Variants in SHISA9 observed in about 807,000 individuals in gnomAD.
The protein encoded by SHISA9 is protein shisa-9.
Under a neutral mutation model 38.0 loss-of-function variants are expected in SHISA9, and 13 were observed. The ratio of observed to expected loss-of-function variants is 0.34; its 90% CI spans 0.22 to 0.54. The LOEUF is 0.54. Among genes scored for constraint, SHISA9 ranks in the 20% least tolerant of loss-of-function variants. The pLI is 0.91. For synonymous variants in SHISA9, 275 were observed against 242.0 expected, an observed-to-expected ratio of 1.14 and a Z score of -1.27; for missense variants, 538 against 575.8, an observed-to-expected ratio of 0.93 and a Z score of 0.67.
rs577869021 is a variant in SHISA9 at position 13,119,149 on chromosome 16, G to C, written c.692-84245G>C. Among the ~76,000 whole-genome samples the C allele has an allele frequency of 4.6e-5, 7 of 152,302 alleles. No homozygotes were observed. The East Asian group carries it at 1.2e-3, about 25-fold the overall frequency. On this transcript the variant is annotated intron_variant, in intron 2 of 4. Coordinates refer to ENST00000558583, the MANE Select transcript of SHISA9 (RefSeq NM_001145204.3). ...TCCCAAAGTGCGGGATTACAGGCGTGAGCCACCGCGCCTGGCCCACTTTTG... is the reference window on the plus strand; with the variant it reads ...TCCCAAAGTGCGGGATTACAGGCGTCAGCCACCGCGCCTGGCCCACTTTTG...
At chr16:13,299,512 G>A in the SHISA9 span, among the ~76,000 whole-genome samples, 2 of 152,050 alleles carry the variant, frequency 1.3e-5, no homozygotes, top group Non-Finnish European at 2.9e-5. Flanking sequence ...TCAAGAGTTC[G>A]AGACCAGCCT....
chr16:13,375,715 A>C, the SHISA9 span, among the ~76,000 whole-genome samples: 1 of 152,226 alleles, frequency 6.6e-6, no homozygotes, highest in Non-Finnish European at 1.5e-5. Flanking sequence ...TAAGAAAAGA[A>C]GCCTAAGACT....
intron 2 of SHISA9, among the ~76,000 whole-genome samples, chr16:13,080,111 C>T (rs1055784021): frequency 8.5e-5 from 13 of 152,162 alleles, no homozygotes; most frequent in African/African-American, 1.2e-4. Flanking sequence ...AAGTGGCTCA[C>T]GCCTGTAATC....
the SHISA9 span, among the ~76,000 whole-genome samples, chr16:13,308,811 T>C: frequency 6.6e-6 from 1 of 152,306 alleles, no homozygotes; most frequent in South Asian, 2.1e-4. Flanking sequence ...GGTCAAATAA[T>C]TAAATCGCCA....
At chr16:13,072,767 T>G (rs276612) in intron 2 of SHISA9, among the ~76,000 whole-genome samples, 9,692 of 152,058 alleles carry the variant, frequency 0.064, 1,028 homozygotes, top group African/African-American at 0.22. Context: ...TTCAAGGGAT[T>G]CTCCTGCCTC....
At chr16:13,075,123 G>A (rs1189131631) in intron 2 of SHISA9, among the ~76,000 whole-genome samples, 1 of 152,156 alleles carries the variant, frequency 6.6e-6, no homozygotes, top group Admixed American at 6.5e-5. Flanking sequence ...ATTGGGGCCT[G>A]GCTGTGAGAT....
At chr16:13,026,989 A>C (rs1253775823) in intron 2 of SHISA9, among the ~76,000 whole-genome samples, 2 of 152,126 alleles carry the variant, frequency 1.3e-5, no homozygotes, top group Non-Finnish European at 2.9e-5. Context: ...AGGTACCATA[A>C]CTACCTAGAG....
At chr16:13,559,453 T>C in the SHISA9 span, among the ~76,000 whole-genome samples, 1 of 151,716 alleles carries the variant, frequency 6.6e-6, no homozygotes, top group Non-Finnish European at 1.5e-5. Context: ...TCATAGCTCA[T>C]TGCAGCCTCA....
chr16:12,970,343 ACATATATGTG>A (rs1199698525), intron 2 of SHISA9, among the ~76,000 whole-genome samples: 14 of 78,324 alleles, frequency 1.8e-4, no homozygotes, highest in African/African-American at 7.6e-4. Flanking sequence ...ATATATATAT[ACATATATGTG>A]TATATATATA....
At chr16:13,030,736 T>A (rs1335815918) in intron 2 of SHISA9, among the ~76,000 whole-genome samples, 1 of 152,220 alleles carries the variant, frequency 6.6e-6, no homozygotes, top group Admixed American at 6.5e-5. Context: ...AAGGCTTTGA[T>A]GAATAAAATA....
At chr16:12,932,563 G>C (rs1264598082) in intron 2 of SHISA9, among the ~76,000 whole-genome samples, 1 of 151,874 alleles carries the variant, frequency 6.6e-6, no homozygotes, top group Non-Finnish European at 1.5e-5. Flanking sequence ...CTGGTCTCGA[G>C]AACTCCTGAC....
intron 2 of SHISA9, among the ~76,000 whole-genome samples, chr16:13,062,928 C>T (rs972511837): frequency 2.6e-5 from 4 of 152,126 alleles, no homozygotes; most frequent in Non-Finnish European, 5.9e-5. Flanking sequence ...ACCACAGTGG[C>T]GAGGCTAGAT....
the SHISA9 span, among the ~76,000 whole-genome samples, chr16:13,286,264 A>C: frequency 6.6e-6 from 1 of 152,178 alleles, no homozygotes; most frequent in Non-Finnish European, 1.5e-5. Flanking sequence ...ACATATAGGC[A>C]GGACCCCCTG....
At chr16:13,139,140 T>C (rs1193917069) in intron 2 of SHISA9, among the ~76,000 whole-genome samples, 1 of 152,216 alleles carries the variant, frequency 6.6e-6, no homozygotes, top group African/African-American at 2.4e-5. Flanking sequence ...GGTTGGGTTT[T>C]ATTTGTAATT....
intron 2 of SHISA9, among the ~76,000 whole-genome samples, chr16:13,179,753 G>GA (rs1413502090): frequency 3.3e-5 from 5 of 152,202 alleles, no homozygotes; most frequent in African/African-American, 1.2e-4. Context: ...GACCCCATGA[G>GA]AAAATTAAAG....
At chr16:13,450,601 A>G in the SHISA9 span, among the ~76,000 whole-genome samples, 1 of 152,358 alleles carries the variant, frequency 6.6e-6, no homozygotes, top group Non-Finnish European at 1.5e-5. Flanking sequence ...ACAATTATAA[A>G]CGATACACAC....
At chr16:12,990,678 C>G (rs1184007350) in intron 2 of SHISA9, among the ~76,000 whole-genome samples, 1 of 152,106 alleles carries the variant, frequency 6.6e-6, no homozygotes, top group Non-Finnish European at 1.5e-5. Flanking sequence ...GGGGGTGGTG[C>G]TATTGGCATC....
the SHISA9 span, among the ~76,000 whole-genome samples, chr16:13,347,396 T>G: frequency 9.9e-5 from 15 of 152,178 alleles, no homozygotes; most frequent in Non-Finnish European, 2.1e-4. Flanking sequence ...CATCTTTTAT[T>G]GAGTCCATCC....
In SHISA9 at chr16:13,015,904, T is replaced by TTCTC. The variant is rs1555454841; in HGVS notation, c.691+99092_691+99093insCTCT. 8.3e-3 allele frequency among the ~76,000 whole-genome samples: 997 copies of TTCTC among 120,256 alleles called. 8 individuals carry two copies. Among genetic ancestry groups the TTCTC allele is most frequent in the East Asian group, 0.018 (72 of 4,028 alleles). 78.9% of individuals were successfully genotyped at this position (120,256 alleles called of 152,430 possible). ...TTTCTTTCTTTCTTTCTTTCTTTCT[T>TTCTC]TCTTTTCTTTCTTTCTCCTTCCTTC... On this transcript the variant is annotated intron_variant, in intron 2 of 4. Coordinates refer to ENST00000558583, the MANE Select transcript of SHISA9 (RefSeq NM_001145204.3).
Sources: gnomAD v4.1 joint callset for allele counts (sites outside exome capture counted in the v4.1 genomes callset) on GRCh38, gnomAD v4.1.1 for gene constraint, MANE v1.5 for transcripts, NCBI Gene and HGNC (gene_info 2026-07-23, HGNC 2026-07-21) for gene names.